Variants in MAF observed in about 807,000 individuals in gnomAD.
MAF encodes the protein MAF bZIP transcription factor, also known as transcription factor Maf.
In MAF, 10 loss-of-function variants were observed where a neutral mutation model predicts 22.0. That is an observed-to-expected ratio of 0.45 (90% CI 0.28 to 0.77). The LOEUF is 0.77. Ranked by LOEUF, MAF falls within the 30% of genes least tolerant of loss-of-function variation. MAF has a pLI of 0.12. For synonymous variants in MAF, 337 were observed against 255.8 expected, an observed-to-expected ratio of 1.32 and a Z score of -3.03; for missense variants, 544 against 548.4, an observed-to-expected ratio of 0.99 and a Z score of 0.08.
At chr16:79,538,651 G>A in the MAF span, among the ~76,000 whole-genome samples, 1 of 151,990 alleles carries the variant, frequency 6.6e-6, no homozygotes, top group Non-Finnish European at 1.5e-5. Context: ...TATATTGCTG[G>A]GAGATATAAA....
chr16:79,377,996 G>C, the MAF span, among the ~76,000 whole-genome samples: 177 of 152,310 alleles, frequency 1.2e-3, 1 homozygote, highest in Non-Finnish European at 1.9e-3. Context: ...GCTTAGGATT[G>C]ACTTGGTGAT....
the MAF span, among the ~76,000 whole-genome samples, chr16:79,336,851 G>C: frequency 6.6e-6 from 1 of 152,218 alleles, no homozygotes; most frequent in Middle Eastern, 3.2e-3. Context: ...AATGAATGCA[G>C]ACATAATCCT....
chr16:79,429,076 T>C, the MAF span, among the ~76,000 whole-genome samples: 9 of 152,130 alleles, frequency 5.9e-5, no homozygotes, highest in Non-Finnish European at 1.2e-4. Flanking sequence ...TGTCTTTAAA[T>C]GCCGATTGGA....
chr16:79,324,332 G>A, the MAF span, among the ~76,000 whole-genome samples: 3 of 152,100 alleles, frequency 2.0e-5, no homozygotes. Flanking sequence ...CTTATATGTG[G>A]TTTTGTTTTC....
the MAF span, among the ~76,000 whole-genome samples, chr16:79,251,893 G>C: frequency 6.6e-6 from 1 of 152,176 alleles, no homozygotes; most frequent in Non-Finnish European, 1.5e-5. Context: ...TTAAACTTCT[G>C]TGTATGTGTG....
the MAF span, among the ~76,000 whole-genome samples, chr16:79,458,749 T>C: frequency 6.6e-6 from 1 of 152,322 alleles, no homozygotes; most frequent in African/African-American, 2.4e-5. Flanking sequence ...AAAAAATGTA[T>C]CATGAAGTAC....
At chr16:79,528,917 G>A in the MAF span, among the ~76,000 whole-genome samples, 29 of 152,178 alleles carry the variant, frequency 1.9e-4, 1 homozygote, top group Admixed American at 1.6e-3. Flanking sequence ...TTGATGACCC[G>A]GTGCAAGATT....
the MAF span, among the ~76,000 whole-genome samples, chr16:79,280,159 A>C: frequency 6.6e-6 from 1 of 152,256 alleles, no homozygotes; most frequent in Non-Finnish European, 1.5e-5. Context: ...AATTACATTT[A>C]GGAAAATCCA....
At chr16:79,422,494 G>C in the MAF span, among the ~76,000 whole-genome samples, 1 of 152,172 alleles carries the variant, frequency 6.6e-6, no homozygotes, top group East Asian at 1.9e-4. Context: ...CCAAGACCTT[G>C]AGCCAGTCAT....
chr16:79,594,479 G>T lies in MAF; in HGVS notation c.1193C>A (p.Thr398Asn). ...CAAATTTCATTTTGTGAACACACTG[G>T]TAAGTACACGATGCTGGGGCTTCCA... ...TFWKPQHRVL[T>N]SVFTK Residue 398 changes from threonine (T) to asparagine (N), a missense_variant, in exon 2 of 2, where the codon ACC becomes AAC. By Grantham distance (65) the Thr-to-Asn change is moderately conservative (BLOSUM62 0). This residue lies in a region of MAF where 129 missense variants were observed against 113.6 expected (regional missense o/e 1.14). Transcript: ENST00000326043. 1 of 1,562,138 alleles carries T rather than the reference G, an allele frequency of 6.4e-7. No individual in the cohort carries two copies. The highest frequency in any genetic ancestry group is 8.7e-7 in the Non-Finnish European group (1 of 1,150,818).
chr16:79,314,211 G>A, the MAF span, among the ~76,000 whole-genome samples: 3 of 152,130 alleles, frequency 2.0e-5, no homozygotes, highest in Non-Finnish European at 2.9e-5. Flanking sequence ...AGGAAATATG[G>A]AGATTTATGA....
the MAF span, among the ~76,000 whole-genome samples, chr16:79,298,064 C>G: frequency 0.41 from 62,413 of 152,168 alleles, 16,098 homozygotes; most frequent in African/African-American, 0.71. Flanking sequence ...AAATTATTAA[C>G]AATGTCAAGG....
chr16:79,279,790 A>AT, the MAF span, among the ~76,000 whole-genome samples: 98 of 151,774 alleles, frequency 6.5e-4, no homozygotes, highest in African/African-American at 1.8e-3. Context: ...TCTTTTATAT[A>AT]TTTTTTTAAC....
At chr16:79,489,898 C>T in the MAF span, among the ~76,000 whole-genome samples, 1 of 152,056 alleles carries the variant, frequency 6.6e-6, no homozygotes, top group South Asian at 2.1e-4. Flanking sequence ...AGGGCCCCGG[C>T]AATGTCCAGA....
the MAF span, among the ~76,000 whole-genome samples, chr16:79,515,392 A>G: frequency 6.6e-6 from 1 of 152,224 alleles, no homozygotes; most frequent in African/African-American, 2.4e-5. Context: ...GAATACCCAT[A>G]CAAACATTCT....
At chr16:79,354,840 C>T in the MAF span, among the ~76,000 whole-genome samples, 6 of 152,126 alleles carry the variant, frequency 3.9e-5, no homozygotes, top group South Asian at 1.2e-3. Flanking sequence ...CTAGTGAACA[C>T]ACACACAGAA....
At chr16:79,507,723 C>A in the MAF span, among the ~76,000 whole-genome samples, 1 of 152,220 alleles carries the variant, frequency 6.6e-6, no homozygotes, top group African/African-American at 2.4e-5. Flanking sequence ...CCGCGCCCGG[C>A]CGCATCCTAC....
chr16:79,497,806 G>T, the MAF span, among the ~76,000 whole-genome samples: 1 of 152,206 alleles, frequency 6.6e-6, no homozygotes. Context: ...ATTTTTCCCA[G>T]CAAATGAGAG....
chr16:79,369,596 C>A, the MAF span, among the ~76,000 whole-genome samples: 1 of 152,202 alleles, frequency 6.6e-6, no homozygotes, highest in Non-Finnish European at 1.5e-5. Context: ...CTCAGGGATT[C>A]TGACACCCAA....
Sources: allele counts gnomAD v4.1 joint callset (sites outside exome capture counted in the v4.1 genomes callset), GRCh38; gene constraint gnomAD v4.1.1; regional missense constraint gnomAD v4.1.1; transcripts MANE v1.5; gene names NCBI Gene and HGNC (gene_info 2026-07-23, HGNC 2026-07-21).